Variants in INSIG1 observed in about 807,000 individuals in gnomAD.
INSIG1 encodes insulin induced gene 1, also known as insulin-induced gene 1 protein.
Under a neutral mutation model 26.5 loss-of-function variants are expected in INSIG1, and 14 were observed. The observed-to-expected ratio is 0.53, with a 90% CI of 0.35 to 0.83. INSIG1 has a LOEUF of 0.83. INSIG1 is among the 40% of genes least tolerant of loss of function. The pLI is 0.01. For missense variants in INSIG1, 272 were observed against 368.9 expected (o/e 0.74, Z 2.15); for synonymous variants, 147 against 153.3 (o/e 0.96, Z 0.30).
At chr7:155,301,717 C>G in intron 3 of INSIG1, 27 bp downstream of exon 3, 1 of 1,528,744 alleles carries the variant, frequency 6.5e-7, no homozygotes. Flanking sequence ...GTGCTACGTC[C>G]AGAGTATCTT....
In INSIG1 at chr7:155,308,625, G is replaced by A. The variant is rs1159216537; in HGVS notation, c.*355G>A. 16 of 238,600 alleles carry A rather than the reference G, an allele frequency of 6.7e-5. No homozygotes were observed. Among genetic ancestry groups the A allele is most frequent in the African/African-American group, 4.4e-5 (2 of 45,748 alleles). 14.8% of individuals were successfully genotyped at this position (238,600 alleles called of 1,614,324 possible). ...TGAACTAAGACTCAATTACCAACCC[G>A]CAGTTTTGTGTCAGTGCCCAAAGGA... On this transcript the variant is annotated 3_prime_UTR_variant, in exon 6 of 6. Coordinates refer to ENST00000340368, the MANE Select transcript of INSIG1 (RefSeq NM_005542.6).
Position 155,298,324 on chromosome 7 carries a change from T to C in INSIG1, c.39T>C (p.Cys13=), listed in dbSNP as rs768727914. 6.6e-7 allele frequency: 1 copy of C among 1,511,254 alleles called. No individual in the cohort carries two copies. Among genetic ancestry groups the C allele is most frequent in the Non-Finnish European group, 8.8e-7 (1 of 1,138,580 alleles). The allele number at this position is 1,511,254 out of a possible 1,614,324, so 93.6% of individuals were successfully genotyped here. The change falls in exon 2 of 6, where the codon TGT becomes TGC. Residue 13 remains cysteine (C), a synonymous_variant. Transcript: ENST00000340368. ...RLHDHFWSCS[C]AHSARRRGPP... ...ACGACCACTTCTGGAGCTGCTCCTG[T>C]GCGCACAGCGCGAGGCGCCGAGGCC...
chr7:155,308,427 A>G lies in INSIG1; in HGVS notation c.*157A>G. On this transcript the variant is annotated 3_prime_UTR_variant, in exon 6 of 6. Transcript: ENST00000340368. ...AAAAACTCTTCACCTAGTCTAGAATAGGGAGGTGGAGAATGATGACTTACC... is the reference window on the plus strand; with the variant it reads ...AAAAACTCTTCACCTAGTCTAGAATGGGGAGGTGGAGAATGATGACTTACC... 2.4e-6 allele frequency: 2 copies of G among 848,456 alleles called. No individual in the cohort carries two copies. Among genetic ancestry groups the G allele is most frequent in the Non-Finnish European group, 4.0e-6 (2 of 502,934 alleles). 52.6% of individuals were successfully genotyped at this position (848,456 alleles called of 1,614,324 possible). A position where few individuals can be genotyped will look rare whatever the true frequency, so the allele number is the denominator to read the frequency against.
rs530227593 is a variant in INSIG1, at chr7:155,309,503, T to C, written c.*1233T>C. On this transcript the variant is annotated 3_prime_UTR_variant, in exon 6 of 6. Transcript: ENST00000340368. ...TTCGAAATACTCCAGTTTTGTGGGT[T>C]TGGTCATTTTTACTTATAAATTTAC... 7 of 152,748 alleles carry C rather than the reference T, an allele frequency of 4.6e-5. No homozygotes were observed. Among genetic ancestry groups the C allele is most frequent in the African/African-American group, 1.7e-4 (7 of 41,576 alleles). 9.5% of individuals were successfully genotyped at this position (152,748 alleles called of 1,614,324 possible). A position where few individuals can be genotyped will look rare whatever the true frequency, so the allele number is the denominator to read the frequency against.
In INSIG1 at chr7:155,302,170, C is replaced by T. The variant is rs111453833; in HGVS notation, c.538-81C>T. On this transcript the variant is annotated intron_variant, in intron 3 of 5. Transcript: ENST00000340368. This position sits in a 1 kb window ranked among gnomAD's most constrained non-coding sequence, Gnocchi z 4.3. ...ATCTGTGGTACAATAATAAAATACC[C>T]ATGTTTTTAACCCTTGTGGTTTTAC... 229 of 1,056,808 alleles carry T rather than the reference C, an allele frequency of 2.2e-4. 2 individuals carry two copies. In the African/African-American group the frequency reaches 3.3e-3, roughly 15 times the overall value. 65.5% of individuals were successfully genotyped at this position (1,056,808 alleles called of 1,614,324 possible). A position where few individuals can be genotyped will look rare whatever the true frequency, so the allele number is the denominator to read the frequency against.
intron 2 of INSIG1, among the ~76,000 whole-genome samples, chr7:155,300,471 CT>C (rs1358302389): frequency 3.3e-5 from 5 of 152,128 alleles, no homozygotes; most frequent in African/African-American, 4.8e-5. Context: ...AACTGTGTTT[CT>C]TGTTTCTCAG....
Position 155,298,535 on chromosome 7 carries a change from C to T in INSIG1, c.250C>T (p.Leu84=), listed in dbSNP as rs779083874. ...SPYPNTWHHR[L]LQRSLVLFSV... ...CTACCCCAACACCTGGCATCATCGCCTGTTGCAGAGGAGCCTCGTGCTCTT... is the reference window on the plus strand; with the variant it reads ...CTACCCCAACACCTGGCATCATCGCTTGTTGCAGAGGAGCCTCGTGCTCTT... The change falls in exon 2 of 6, where the codon CTG becomes TTG. Residue 84 remains leucine (L), a synonymous_variant. Transcript: ENST00000340368. The T allele has an allele frequency of 1.9e-6, 3 of 1,602,638 alleles. No homozygotes were observed. Among genetic ancestry groups the T allele is most frequent in the Admixed American group, 3.4e-5 (2 of 58,694 alleles).
rs779178640 is a variant in INSIG1, at chr7:155,302,305, T to C, written c.592T>C (p.Leu198=). The change falls in exon 4 of 6, where the codon TTG becomes CTG. Residue 198 remains leucine, a synonymous_variant. Transcript: ENST00000340368. This position sits in a 1 kb window ranked among gnomAD's most constrained non-coding sequence, Gnocchi z 4.3. ...GTCCTTGACTTTAGCAGCCCTATCT[T>C]TGGGCCTTTGGTGGACATTTGATCG... ...QLSLTLAALS[L]GLWWTFDRSR... 1.9e-6 allele frequency: 3 copies of C among 1,607,802 alleles called. No homozygotes were observed. The highest frequency in any genetic ancestry group is 1.1e-5 in the South Asian group (1 of 89,976).
intron 5 of INSIG1, 30 bp from the exon 6 acceptor site, chr7:155,308,210 CT>C: frequency 8.4e-7 from 1 of 1,193,956 alleles, no homozygotes; most frequent in Non-Finnish European, 1.2e-6. Flanking sequence ...CTAATTTTCT[CT>C]TTCCTTTTTT....
At chr7:155,300,897 G>T (rs533918066) in intron 2 of INSIG1, among the ~76,000 whole-genome samples, 120 of 152,332 alleles carry the variant, frequency 7.9e-4, no homozygotes, top group Non-Finnish European at 1.4e-3. Flanking sequence ...GACCATGCGG[G>T]AACCAGATGG....
Position 155,302,639 on chromosome 7 carries a change from T to A in INSIG1, c.705-108T>A. On this transcript the variant is annotated intron_variant, in intron 4 of 5. Transcript: ENST00000340368. The surrounding 1 kb of genome is among the most constrained non-coding windows in gnomAD (Gnocchi z 4.3). ...CAAACAAATATGAACATTCGTAACA[T>A]TGGATGGTTGATATGCGTTCTGCAT... 1.1e-6 allele frequency: 1 copy of A among 917,626 alleles called. No homozygotes were observed. Among genetic ancestry groups the A allele is most frequent in the Non-Finnish European group, 1.7e-6 (1 of 578,572 alleles). The allele number at this position is 917,626 out of a possible 1,614,324, so 56.8% of individuals were successfully genotyped here.
At chr7:155,299,051 C>T (rs925427881) in intron 2 of INSIG1, among the ~76,000 whole-genome samples, 2 of 152,222 alleles carry the variant, frequency 1.3e-5, no homozygotes, top group Non-Finnish European at 2.9e-5. Context: ...CCGGATTGGC[C>T]GCCTGGGGAA....
intron 5 of INSIG1, chr7:155,304,047 T>C (rs1256608351): frequency 3.3e-6 from 1 of 303,294 alleles, no homozygotes; most frequent in Non-Finnish European, 6.4e-6. Context: ...CACTGTAACC[T>C]TGAGCTCCCG....
intron 5 of INSIG1, among the ~76,000 whole-genome samples, chr7:155,304,854 G>A (rs992821473): frequency 2.0e-5 from 3 of 152,034 alleles, no homozygotes; most frequent in Non-Finnish European, 4.4e-5. Flanking sequence ...CTGGAGGAGA[G>A]AGGCTGGGCG....
rs1051259549 is a variant in INSIG1, at chr7:155,310,099, A to G, written c.*1829A>G. The G allele has an allele frequency of 1.3e-5, 2 of 152,700 alleles. No individual in the cohort carries two copies. The highest frequency in any genetic ancestry group is 6.5e-5 in the Admixed American group (1 of 15,284). The allele number at this position is 152,700 out of a possible 1,614,324, so 9.5% of individuals were successfully genotyped here. A position where few individuals can be genotyped will look rare whatever the true frequency, so the allele number is the denominator to read the frequency against. On this transcript the variant is annotated 3_prime_UTR_variant, in exon 6 of 6. Transcript: ENST00000340368. ...ATGAACCAAAGTGATTTGAGTTTGT[A>G]AAAATGTAAAATAGTATGAACAAAA...
In INSIG1 at chr7:155,297,967, G is replaced by T. The variant is rs1797662629; in HGVS notation, c.-28+8G>T. 8.6e-6 allele frequency: 2 copies of T among 231,936 alleles called. No homozygotes were observed. The highest frequency in any genetic ancestry group is 1.7e-5 in the Non-Finnish European group (2 of 120,522). The allele number at this position is 231,936 out of a possible 1,614,324, so 14.4% of individuals were successfully genotyped here. A position where few individuals can be genotyped will look rare whatever the true frequency, so the allele number is the denominator to read the frequency against. ...CGGGCGCCTCTCGGCCAGGTACGCGGCCGGCTGGGATAGGGGTCGCGGGCG... is the reference window on the plus strand; with the variant it reads ...CGGGCGCCTCTCGGCCAGGTACGCGTCCGGCTGGGATAGGGGTCGCGGGCG... On this transcript the variant is annotated splice_region_variant and intron_variant, in intron 1 of 5. Transcript: ENST00000340368.
At chr7:155,304,297 A>G (rs1797876408) in intron 5 of INSIG1, among the ~76,000 whole-genome samples, 1 of 152,178 alleles carries the variant, frequency 6.6e-6, no homozygotes, top group African/African-American at 2.4e-5. Flanking sequence ...ATGGTCCCAC[A>G]TGGAAATAGT....
intron 2 of INSIG1, among the ~76,000 whole-genome samples, chr7:155,300,285 A>G (rs1208238514): frequency 6.6e-6 from 1 of 151,932 alleles, no homozygotes; most frequent in African/African-American, 2.4e-5. Context: ...TTTTTTTTAA[A>G]CCATCAGCCA....
chr7:155,302,463 T>C lies in INSIG1; in HGVS notation c.704+46T>C. 1 of 1,501,334 alleles carries C rather than the reference T, an allele frequency of 6.7e-7. No individual in the cohort carries two copies. The highest frequency in any genetic ancestry group is 9.0e-7 in the Non-Finnish European group (1 of 1,116,568). 93.0% of individuals were successfully genotyped at this position (1,501,334 alleles called of 1,614,324 possible). ...ATTGGCTTTGGAAAGCTTACTTAAC[T>C]TTCATTAAAACATCCACTAAGCTTA... On this transcript the variant is annotated intron_variant, in intron 4 of 5. Coordinates refer to ENST00000340368, the MANE Select transcript of INSIG1 (RefSeq NM_005542.6). The surrounding 1 kb of genome is among the most constrained non-coding windows in gnomAD (Gnocchi z 4.3).
Sources: allele counts gnomAD v4.1 joint callset (sites outside exome capture counted in the v4.1 genomes callset), GRCh38; gene constraint gnomAD v4.1.1; non-coding constraint Gnocchi (gnomAD v3.1); transcripts MANE v1.5; gene names NCBI Gene and HGNC (gene_info 2026-07-23, HGNC 2026-07-21).